Variants in ESYT3 observed in about 807,000 individuals in gnomAD.
ESYT3 encodes extended synaptotagmin-3.
In ESYT3, 101 loss-of-function variants were observed where a neutral mutation model predicts 111.5. The ratio of observed to expected loss-of-function variants is 0.91; its 90% confidence interval spans 0.77 to 1.07. The LOEUF is 1.07. ESYT3 is among the 50% of genes least tolerant of loss of function. The pLI is 0.00. For synonymous variants in ESYT3, 416 were observed against 446.8 expected, an observed-to-expected ratio of 0.93 and a Z score of 0.87; for missense variants, 1,097 against 1,109.4, an observed-to-expected ratio of 0.99 and a Z score of 0.16.
chr3:138,468,131 C>T lies in ESYT3; in HGVS notation c.1245C>T (p.Ser415=), dbSNP rs141249408. 998 of 1,614,112 alleles carry T rather than the reference C, an allele frequency of 6.2e-4. 9 individuals are homozygous for T. The South Asian group carries it at 0.01, about 16-fold the overall frequency. ...GGTTTGTCCTGAATGACACAACCAG[C>T]GGGCGGCTGCACCTGCGGCTGGAGT... ...DEWFVLNDTT[S]GRLHLRLEWL... Residue 415 remains serine, a synonymous_variant, in exon 12 of 23, where the codon AGC becomes AGT. Coordinates refer to ENST00000389567, the MANE Select transcript of ESYT3 (RefSeq NM_031913.5).
chr3:138,469,330 T>C, intron 14 of ESYT3, 106 bp from the exon 15 acceptor site: 1 of 925,252 alleles, frequency 1.1e-6, no homozygotes, highest in Non-Finnish European at 1.7e-6. Context: ...GAGAAGTAAC[T>C]GGGTGGCCCC....
At chr3:138,451,928 G>A (rs1252122944) in intron 1 of ESYT3, 120 bp from the exon 2 acceptor site, 8 of 1,113,720 alleles carry the variant, frequency 7.2e-6, no homozygotes, top group Admixed American at 5.3e-5. Context: ...TGGAGGCGGC[G>A]GGGAGGAAGG....
chr3:138,469,308 C>T lies in ESYT3; in HGVS notation c.1435-128C>T, dbSNP rs537406427. 8.9e-6 allele frequency: 7 copies of T among 790,386 alleles called. No individual in the cohort carries two copies. In the East Asian group the frequency reaches 1.7e-4, roughly 19 times the overall value. The allele number at this position is 790,386 out of a possible 1,614,324, so 49.0% of individuals were successfully genotyped here. ...CAGGGGGACTGGGGCATTAGAGTAGCTTTCTCTCAAAGAGAAGTAACTGGG... is the reference window on the plus strand; with the variant it reads ...CAGGGGGACTGGGGCATTAGAGTAGTTTTCTCTCAAAGAGAAGTAACTGGG... On this transcript the variant is annotated intron_variant, in intron 14 of 22. Coordinates refer to ENST00000389567, the MANE Select transcript of ESYT3 (RefSeq NM_031913.5).
chr3:138,461,109 C>T (rs114482770), intron 7 of ESYT3, among the ~76,000 whole-genome samples: 149 of 152,308 alleles, frequency 9.8e-4, no homozygotes, highest in African/African-American at 3.5e-3. Flanking sequence ...GGCTCTTCCT[C>T]AGTAAAAGGG....
intron 18 of ESYT3, 174 bp downstream of exon 18, chr3:138,473,033 A>G (rs2033312390): frequency 3.4e-6 from 5 of 1,457,746 alleles, no homozygotes; most frequent in South Asian, 1.4e-5. Context: ...GAGAGAGCCA[A>G]ACAGGCTGTT....
intron 20 of ESYT3, 44 bp from the exon 21 acceptor site, chr3:138,476,179 C>A: frequency 1.6e-6 from 2 of 1,282,544 alleles, no homozygotes; most frequent in African/African-American, 1.5e-5. Context: ...TTCAAGAAAA[C>A]TGAATGAAAT....
chr3:138,462,156 C>A lies in ESYT3; in HGVS notation c.865C>A (p.Pro289Thr), dbSNP rs748225701. Residue 289 changes from proline to threonine, a missense_variant, in exon 8 of 23, where the codon CCT becomes ACT. Coordinates refer to ENST00000389567, the MANE Select transcript of ESYT3 (RefSeq NM_031913.5). ...HLVLPNRVTV[P>T]VKKGLDLTNL... ...GGTGCTGCCCAACCGTGTGACTGTG[C>A]CTGTGAAGAAGGGGCTGGATCTGAC... 3.3e-5 allele frequency: 53 copies of A among 1,614,092 alleles called. No individual in the cohort carries two copies. Among genetic ancestry groups the A allele is most frequent in the Non-Finnish European group, 4.3e-5 (51 of 1,180,044 alleles).
chr3:138,452,033 G>C lies in ESYT3; in HGVS notation c.328-15G>C, dbSNP rs774344604. 6.2e-7 allele frequency: 1 copy of C among 1,613,636 alleles called. No homozygotes were observed. On this transcript the variant is annotated splice_polypyrimidine_tract_variant and intron_variant, in intron 1 of 22. Coordinates refer to ENST00000389567, the MANE Select transcript of ESYT3 (RefSeq NM_031913.5). Reference sequence around the variant, plus strand: ...CGGCTTCTAGTCTAACTTCCCCTCGGGGCTTCTTTCCTAGATCCACTTCCC... The same window carrying C: ...CGGCTTCTAGTCTAACTTCCCCTCGCGGCTTCTTTCCTAGATCCACTTCCC...
chr3:138,452,497 C>T (rs187132358), intron 2 of ESYT3, among the ~76,000 whole-genome samples: 5 of 152,242 alleles, frequency 3.3e-5, no homozygotes, highest in Non-Finnish European at 2.9e-5. Context: ...CTTCCTTATC[C>T]GTAAAATGGG....
At chr3:138,458,880 T>C (rs1365062593) in intron 4 of ESYT3, among the ~76,000 whole-genome samples, 1 of 152,040 alleles carries the variant, frequency 6.6e-6, no homozygotes, top group African/African-American at 2.4e-5. Flanking sequence ...CAGGGTATCG[T>C]GGGGTGAGGT....
At chr3:138,462,641 A>G (rs996666180) in intron 8 of ESYT3, among the ~76,000 whole-genome samples, 4 of 152,020 alleles carry the variant, frequency 2.6e-5, no homozygotes, top group African/African-American at 9.7e-5. Context: ...CCCACCCTTC[A>G]CTTATAAGTC....
In ESYT3 at chr3:138,468,706, T is replaced by C. The variant is rs955159422; in HGVS notation, c.1360T>C (p.Cys454Arg). 2.5e-6 allele frequency: 4 copies of C among 1,614,056 alleles called. No individual in the cohort carries two copies. The African/African-American group carries it at 5.3e-5, about 22-fold the overall frequency. Residue 454 changes from cysteine (C) to arginine (R), a missense_variant, in exon 13 of 23, where the codon TGC becomes CGC. By Grantham distance (180) the Cys-to-Arg change is radical. Transcript: ENST00000389567. Reference protein sequence around the residue: ...AILVVFLESACNLPRNPFDYL... With the variant: ...AILVVFLESARNLPRNPFDYL... ...TCTCGTGGTCTTCTTGGAGAGTGCC[T>C]GCAACTTGCCGGTGAGTGGCGACAT...
intron 1 of ESYT3, among the ~76,000 whole-genome samples, chr3:138,446,504 G>T (rs1183854858): frequency 6.6e-6 from 1 of 152,188 alleles, no homozygotes; most frequent in Admixed American, 6.5e-5. Flanking sequence ...GCCAAGTCTT[G>T]AAACAAAAGA....
chr3:138,465,770 T>C (rs2032897672), intron 10 of ESYT3, among the ~76,000 whole-genome samples: 1 of 152,132 alleles, frequency 6.6e-6, no homozygotes, highest in Non-Finnish European at 1.5e-5. Flanking sequence ...CAAGGAACCC[T>C]GGGCCATGCT....
chr3:138,451,924 C>T, intron 1 of ESYT3, 124 bp from the exon 2 acceptor site: 4 of 1,067,090 alleles, frequency 3.7e-6, no homozygotes, highest in South Asian at 1.3e-5. Flanking sequence ...GACGTGGAGG[C>T]GGCGGGGAGG....
At chr3:138,462,789 A>G (rs1011359700) in intron 8 of ESYT3, among the ~76,000 whole-genome samples, 1 of 152,116 alleles carries the variant, frequency 6.6e-6, no homozygotes, top group Non-Finnish European at 1.5e-5. Flanking sequence ...CAGCTTTCCG[A>G]GTAGCTGGGA....
At position 138,472,841 on chromosome 3, in the gene ESYT3, A is replaced by G. The variant is rs760863272; in HGVS notation, c.2219A>G (p.Asp740Gly). The G allele has an allele frequency of 3.7e-6, 6 of 1,613,920 alleles. No homozygotes were observed. The highest frequency in any genetic ancestry group is 5.1e-6 in the Non-Finnish European group (6 of 1,179,968). Residue 740 changes from aspartate (D) to glycine (G), a missense_variant, in exon 18 of 23, where the codon GAT (aspartate) becomes GGT (glycine). Coordinates refer to ENST00000389567, the MANE Select transcript of ESYT3 (RefSeq NM_031913.5). ...GCCTCTTCTTGCTTTGACCTGGCAGATATCAGCCTCAACATTGAGTATGCA... is the reference window on the plus strand; with the variant it reads ...GCCTCTTCTTGCTTTGACCTGGCAGGTATCAGCCTCAACATTGAGTATGCA... ...SLASSCFDLA[D>G]ISLNIEGGDL...
At chr3:138,445,634 C>A (rs1299007371) in intron 1 of ESYT3, among the ~76,000 whole-genome samples, 1 of 152,222 alleles carries the variant, frequency 6.6e-6, no homozygotes, top group Non-Finnish European at 1.5e-5. Context: ...CAGAACTGGA[C>A]ACATAGCTCA....
intron 8 of ESYT3, among the ~76,000 whole-genome samples, chr3:138,463,188 A>G (rs1419054380): frequency 6.6e-6 from 1 of 151,608 alleles, no homozygotes; most frequent in Non-Finnish European, 1.5e-5. Context: ...TCTGTCTCCT[A>G]GGTTCAAGTG....
Sources: gnomAD v4.1 joint callset for allele counts (sites outside exome capture counted in the v4.1 genomes callset) on GRCh38, gnomAD v4.1.1 for gene constraint, MANE v1.5 for transcripts, NCBI Gene and HGNC (gene_info 2026-07-23, HGNC 2026-07-21) for gene names.